Variants in DNM3 observed in about 807,000 individuals in gnomAD.
The protein encoded by DNM3 is dynamin 3, also known as dynamin-3.
In DNM3, 47 loss-of-function variants were observed where a neutral mutation model predicts 101.6. The observed-to-expected ratio is 0.46, with a 90% CI of 0.37 to 0.59. The LOEUF is 0.59. Ranked by LOEUF, DNM3 falls within the 20% of genes least tolerant of loss-of-function variation. DNM3 has a pLI of 0.00. For synonymous variants in DNM3, 385 were observed against 387.9 expected, an observed-to-expected ratio of 0.99 and a Z score of 0.09; for missense variants, 849 against 1,085.7, an observed-to-expected ratio of 0.78 and a Z score of 3.06.
intron 15 of DNM3, among the ~76,000 whole-genome samples, chr1:172,302,714 G>A (rs60928445): frequency 0.22 from 33,230 of 151,980 alleles, 3,999 homozygotes; most frequent in African/African-American, 0.31. Flanking sequence ...TGCAGCCTCC[G>A]CCGGGTGATA....
intron 4 of DNM3, among the ~76,000 whole-genome samples, chr1:172,008,788 AAT>A (rs1176653244): frequency 2.0e-4 from 24 of 118,222 alleles, no homozygotes; most frequent in Non-Finnish European, 1.6e-4. Flanking sequence ...AATATATATT[AAT>A]ATATATAATA....
At chr1:172,119,316 T>G (rs1383223179) in intron 13 of DNM3, among the ~76,000 whole-genome samples, 1 of 152,120 alleles carries the variant, frequency 6.6e-6, no homozygotes, top group Non-Finnish European at 1.5e-5. Context: ...TTTAATATTC[T>G]CTCTTCAGTA....
intron 14 of DNM3, among the ~76,000 whole-genome samples, chr1:172,196,750 G>A (rs1218906017): frequency 6.6e-6 from 1 of 151,792 alleles, no homozygotes; most frequent in Non-Finnish European, 1.5e-5. Context: ...TTTAAATGGG[G>A]GTTGTTTGTT....
At chr1:172,214,243 A>G (rs1427645885) in intron 14 of DNM3, among the ~76,000 whole-genome samples, 1 of 152,148 alleles carries the variant, frequency 6.6e-6, no homozygotes, top group Non-Finnish European at 1.5e-5. Context: ...AAAACATAGA[A>G]GTTGGTCTGG....
At chr1:171,863,084 G>A (rs551995509) in intron 1 of DNM3, among the ~76,000 whole-genome samples, 1 of 151,778 alleles carries the variant, frequency 6.6e-6, no homozygotes, top group East Asian at 1.9e-4. Flanking sequence ...ACATTCAAAG[G>A]GGATGCTTTT....
At chr1:172,076,844 A>G (rs1335574364) in intron 11 of DNM3, among the ~76,000 whole-genome samples, 1 of 152,156 alleles carries the variant, frequency 6.6e-6, no homozygotes, top group Admixed American at 6.5e-5. Context: ...TGAGTTAGGG[A>G]GGAGTTCCTC....
At chr1:171,898,762 TTAA>T (rs1178061209) in intron 1 of DNM3, among the ~76,000 whole-genome samples, 1 of 152,100 alleles carries the variant, frequency 6.6e-6, no homozygotes, top group African/African-American at 2.4e-5. Context: ...TCTTTTTCAC[TTAA>T]TAGTAGAGAG....
chr1:172,154,017 C>T (rs974932001), intron 14 of DNM3, among the ~76,000 whole-genome samples: 3 of 151,450 alleles, frequency 2.0e-5, no homozygotes, highest in African/African-American at 7.3e-5. Flanking sequence ...TTCATTCGTT[C>T]ATTCATTCGT....
At chr1:172,168,175 T>G (rs1261137480) in intron 14 of DNM3, among the ~76,000 whole-genome samples, 1 of 152,046 alleles carries the variant, frequency 6.6e-6, no homozygotes, top group African/African-American at 2.4e-5. Flanking sequence ...GCAATAGCTT[T>G]CAGTGCTAGG....
At chr1:172,274,360 G>A (rs1319744273) in intron 15 of DNM3, among the ~76,000 whole-genome samples, 3 of 152,008 alleles carry the variant, frequency 2.0e-5, no homozygotes. Flanking sequence ...TGTTTGAGAA[G>A]GATGTGTGGA....
intron 13 of DNM3, among the ~76,000 whole-genome samples, chr1:172,103,853 T>C (rs978417177): frequency 2.6e-5 from 4 of 152,070 alleles, no homozygotes; most frequent in African/African-American, 9.7e-5. Flanking sequence ...ATACAAAAAT[T>C]AGCTGGGCGT....
chr1:172,131,689 A>C (rs2056944462), intron 14 of DNM3: 2 of 259,374 alleles, frequency 7.7e-6, no homozygotes, highest in Non-Finnish European at 7.7e-6. Context: ...ACAGTTAATA[A>C]AGCATGTTGG....
chr1:171,864,294 G>A (rs2034486887), intron 1 of DNM3: 1 of 152,174 alleles, frequency 6.6e-6, no homozygotes, highest in Non-Finnish European at 1.5e-5. Flanking sequence ...TTTCCAAAAG[G>A]TACGTTTCCT....
At chr1:171,874,848 A>G (rs2035614983) in intron 1 of DNM3, among the ~76,000 whole-genome samples, 1 of 151,002 alleles carries the variant, frequency 6.6e-6, no homozygotes, top group Non-Finnish European at 1.5e-5. Context: ...AGTAGCCCCC[A>G]GTGGCTATTG....
intron 15 of DNM3, among the ~76,000 whole-genome samples, chr1:172,303,954 G>T (rs1358212440): frequency 3.3e-5 from 5 of 151,942 alleles, no homozygotes; most frequent in Admixed American, 1.3e-4. Flanking sequence ...ATTGATGCTA[G>T]GAAGAAACTG....
intron 14 of DNM3, among the ~76,000 whole-genome samples, chr1:172,235,992 T>TA (rs910930706): frequency 1.3e-5 from 2 of 151,312 alleles, no homozygotes; most frequent in Non-Finnish European, 3.0e-5. Context: ...ACTTAAAGTA[T>TA]AAAAAAAAAT....
intron 15 of DNM3, among the ~76,000 whole-genome samples, chr1:172,273,763 A>C (rs1311669526): frequency 6.6e-6 from 1 of 152,094 alleles, no homozygotes; most frequent in East Asian, 1.9e-4. Flanking sequence ...AAAGTGAAAA[A>C]AGCAAACTAG....
intron 2 of DNM3, among the ~76,000 whole-genome samples, chr1:171,936,017 G>T (rs1181809607): frequency 7.0e-6 from 1 of 142,396 alleles, no homozygotes; most frequent in Non-Finnish European, 1.5e-5. Context: ...TGAAGAAGGT[G>T]TTTTTTTTTT....
At chr1:172,114,840 T>G (rs1484343021) in intron 13 of DNM3, among the ~76,000 whole-genome samples, 1 of 152,206 alleles carries the variant, frequency 6.6e-6, no homozygotes, top group African/African-American at 2.4e-5. Context: ...ACAGTATGCA[T>G]AAGTTTTATG....
Sources: allele counts gnomAD v4.1 joint callset (sites outside exome capture counted in the v4.1 genomes callset), GRCh38; gene constraint gnomAD v4.1.1; transcripts MANE v1.5; gene names NCBI Gene and HGNC (gene_info 2026-07-23, HGNC 2026-07-21).